FAM13B: variants seen among roughly 807,000 people sequenced by gnomAD.
The protein encoded by FAM13B is protein FAM13B.
Under a neutral mutation model 117.3 loss-of-function variants are expected in FAM13B, and 60 were observed. The observed-to-expected ratio is 0.51, with a 90% CI of 0.42 to 0.63. The LOEUF is 0.63. FAM13B is among the 30% of genes least tolerant of loss of function. FAM13B has a pLI of 0.00. For missense variants in FAM13B, 972 were observed against 1,091.9 expected (o/e 0.89, Z 1.55); for synonymous variants, 332 against 356.1 (o/e 0.93, Z 0.76).
intron 1 of FAM13B, among the ~76,000 whole-genome samples, chr5:138,044,075 C>T (rs1327482218): frequency 6.6e-6 from 1 of 151,854 alleles, no homozygotes; most frequent in African/African-American, 2.4e-5. Context: ...CATGCTGTCA[C>T]ACCTAGCTTT....
chr5:137,960,062 T>TTA, intron 12 of FAM13B, 104 bp downstream of exon 12: 1 of 761,970 alleles, frequency 1.3e-6, no homozygotes, highest in Non-Finnish European at 2.2e-6. Flanking sequence ...GTAAGAGTAT[T>TTA]TATATTTAAA....
At chr5:137,992,889 G>A (rs1047331585) in intron 7 of FAM13B, among the ~76,000 whole-genome samples, 1 of 152,182 alleles carries the variant, frequency 6.6e-6, no homozygotes, top group Non-Finnish European at 1.5e-5. Flanking sequence ...ACTAGAAGAT[G>A]TGTATAAGAA....
In FAM13B at chr5:137,953,413, G is replaced by A. The variant is rs763417321; in HGVS notation, c.1771C>T (p.Pro591Ser). The A allele has an allele frequency of 3.1e-6, 5 of 1,613,698 alleles. No homozygotes were observed. In the Admixed American group the frequency reaches 8.3e-5, roughly 27 times the overall value. ...SKDEKREDRT[P>S]YQLVKKLQKK... ...TGAAGTTTCTTGACCAGCTGATAAGGTGTTCTGTCCTCTCTCTTTTCATCT... is the reference window on the plus strand; with the variant it reads ...TGAAGTTTCTTGACCAGCTGATAAGATGTTCTGTCCTCTCTCTTTTCATCT... Residue 591 changes from proline to serine, a missense_variant, in exon 16 of 24, where the codon CCT becomes TCT. Coordinates refer to ENST00000689681, the MANE Select transcript of FAM13B (RefSeq NM_001385994.1).
In FAM13B at chr5:138,032,898, T is replaced by C; in HGVS notation, c.-319A>G. 5 of 985,680 alleles carry C rather than the reference T, an allele frequency of 5.1e-6. No homozygotes were observed. The highest frequency in any genetic ancestry group is 5.2e-4 in the Middle Eastern group (1 of 1,914). The allele number at this position is 985,680 out of a possible 1,614,324, so 61.1% of individuals were successfully genotyped here. Reference sequence around the variant, plus strand: ...GCTCCGCGGCCGAGAAGCCTCTTCCTGGGGCGGCCGCTGACGGGAGGTTAA... The same window carrying C: ...GCTCCGCGGCCGAGAAGCCTCTTCCCGGGGCGGCCGCTGACGGGAGGTTAA... On this transcript the variant is annotated 5_prime_UTR_variant, in exon 1 of 24. Coordinates refer to ENST00000689681, the MANE Select transcript of FAM13B (RefSeq NM_001385994.1).
chr5:138,042,507 TTAAAAA>T (rs1791525973), intron 1 of FAM13B, among the ~76,000 whole-genome samples: 1 of 152,118 alleles, frequency 6.6e-6, no homozygotes, highest in Non-Finnish European at 1.5e-5. Context: ...TTCAAAAAGT[TTAAAAA>T]TAAAAACTAG....
At chr5:138,020,150 G>A (rs533782896) in intron 2 of FAM13B, among the ~76,000 whole-genome samples, 110 of 150,522 alleles carry the variant, frequency 7.3e-4, no homozygotes, top group Middle Eastern at 3.5e-3. Flanking sequence ...AACATTCACC[G>A]CCTGGGTTCA....
intron 6 of FAM13B, among the ~76,000 whole-genome samples, chr5:138,010,370 C>T (rs2150886431): frequency 6.6e-6 from 1 of 152,296 alleles, no homozygotes; most frequent in East Asian, 1.9e-4. Context: ...CTTTGGAAGG[C>T]CAAGGCAGGA....
In FAM13B at chr5:137,982,355, C is replaced by T. The variant is rs140893226; in HGVS notation, c.1179+2902G>A. Among the ~76,000 whole-genome samples the T allele has an allele frequency of 1.2e-3, 188 of 152,260 alleles. 4 individuals are homozygous for T. Among genetic ancestry groups the T allele is most frequent in the Middle Eastern group, 0.01 (3 of 294 alleles). ...ATCACCTGAGGTCAGGAGCTCGAGA[C>T]CAGTCTGGCCAACATAGTGAAACTC... On this transcript the variant is annotated intron_variant, in intron 10 of 23. Coordinates refer to ENST00000689681, the MANE Select transcript of FAM13B (RefSeq NM_001385994.1).
chr5:138,027,279 C>G (rs1398657951), intron 1 of FAM13B, among the ~76,000 whole-genome samples: 1 of 152,232 alleles, frequency 6.6e-6, no homozygotes, highest in African/African-American at 2.4e-5. Flanking sequence ...TATCTCACTA[C>G]TTGTTAAAGC....
chr5:137,954,041 CTTTT>C lies in FAM13B; in HGVS notation c.1718+121_1718+124del, dbSNP rs369548946. The C allele has an allele frequency of 3.5e-3, 1,338 of 385,734 alleles. 1 individual carries two copies. The highest frequency in any genetic ancestry group is 5.3e-3 in the East Asian group (125 of 23,426). 23.9% of individuals were successfully genotyped at this position (385,734 alleles called of 1,614,324 possible). On this transcript the variant is annotated intron_variant, in intron 15 of 23. Transcript: ENST00000689681. ...TATGTCTAGAAGACTCAATCTCTCTCTTTTTTTTTTTTTTTTTTTGAGATGGAGT... is the reference window on the plus strand; with the variant it reads ...TATGTCTAGAAGACTCAATCTCTCTCTTTTTTTTTTTTTTTGAGATGGAGT...
In FAM13B at chr5:137,946,323, C is replaced by CA. The variant is rs762099662; in HGVS notation, c.2161-13dup. The CA allele has an allele frequency of 1.1e-4, 114 of 1,084,548 alleles. 1 individual carries two copies. The highest frequency in any genetic ancestry group is 7.4e-4 in the South Asian group (34 of 45,674). The allele number at this position is 1,084,548 out of a possible 1,614,324, so 67.2% of individuals were successfully genotyped here. A position where few individuals can be genotyped will look rare whatever the true frequency, so the allele number is the denominator to read the frequency against. ...TCTTTGGTCATTTTCTGGAATTAAA[C>CA]AAAAAAAATAACAAAATACAAAAAA... On this transcript the variant is annotated splice_polypyrimidine_tract_variant and intron_variant, in intron 18 of 23. Coordinates refer to ENST00000689681, the MANE Select transcript of FAM13B (RefSeq NM_001385994.1).
intron 1 of FAM13B, among the ~76,000 whole-genome samples, chr5:138,024,068 T>G (rs13169864): frequency 0.74 from 111,960 of 151,868 alleles, 41,925 homozygotes; most frequent in East Asian, 0.97. Context: ...TTTAGTCCTG[T>G]TTCCTACCCC....
chr5:137,992,248 T>C (rs1778777868), intron 7 of FAM13B, among the ~76,000 whole-genome samples: 1 of 151,366 alleles, frequency 6.6e-6, no homozygotes, highest in Non-Finnish European at 1.5e-5. Context: ...ATAATAAAAT[T>C]TTTAAAACCT....
chr5:137,950,440 C>A (rs927187810), intron 17 of FAM13B, among the ~76,000 whole-genome samples: 4 of 152,002 alleles, frequency 2.6e-5, no homozygotes. Context: ...CGGCCAAGGG[C>A]AGACTGTGCA....
At chr5:138,028,097 T>C (rs1788915224) in intron 1 of FAM13B, among the ~76,000 whole-genome samples, 1 of 152,234 alleles carries the variant, frequency 6.6e-6, no homozygotes, top group Non-Finnish European at 1.5e-5. Flanking sequence ...CATACTGGCT[T>C]GGCCATTAAG....
At chr5:137,965,991 C>T (rs1769606728) in intron 10 of FAM13B, among the ~76,000 whole-genome samples, 1 of 151,696 alleles carries the variant, frequency 6.6e-6, no homozygotes, top group South Asian at 2.1e-4. Context: ...CTTTCAACTC[C>T]CAAAATATTG....
chr5:137,966,496 G>T (rs1462201095), intron 10 of FAM13B, among the ~76,000 whole-genome samples: 2,052 of 123,938 alleles, frequency 0.017, 18 homozygotes, highest in Admixed American at 0.023. Context: ...TATAGAGAGA[G>T]AGAGAGAGAG....
chr5:137,966,459 T>TTATATATA (rs373885448), intron 10 of FAM13B, among the ~76,000 whole-genome samples: 35 of 50,264 alleles, frequency 7.0e-4, no homozygotes, highest in South Asian at 1.1e-3. Context: ...GAAATAGATT[T>TTATATATA]TATATATATA....
At chr5:138,034,532 T>C (rs888517036), upstream of FAM13B, among the ~76,000 whole-genome samples, 2 of 152,242 alleles carry the variant, frequency 1.3e-5, no homozygotes, top group African/African-American at 2.4e-5. Context: ...TTATACTAGC[T>C]GTACAGTTTT....
Sources: gnomAD v4.1 joint callset for allele counts (sites outside exome capture counted in the v4.1 genomes callset) on GRCh38, gnomAD v4.1.1 for gene constraint, MANE v1.5 for transcripts, NCBI Gene and HGNC (gene_info 2026-07-23, HGNC 2026-07-21) for gene names.